The following SCD5 variants were observed in gnomAD, a reference collection of about 807,000 sequenced individuals.
SCD5 encodes acyl-CoA-desaturase 4.
A neutral mutation model predicts 30.4 loss-of-function variants in SCD5; 20 were observed. The observed-to-expected ratio is 0.66, with a 90% confidence interval of 0.46 to 0.96. The LOEUF is 0.96. Ranked by LOEUF, SCD5 falls within the 40% of genes least tolerant of loss-of-function variation. The pLI, the probability that SCD5 is intolerant of heterozygous loss-of-function variation, is 0.00. For synonymous variants in SCD5, 173 were observed against 176.4 expected (o/e 0.98, Z 0.16); for missense variants, 381 against 443.3 (o/e 0.86, Z 1.26).
At chr4:82,690,977 G>A (rs4693489) in intron 2 of SCD5, among the ~76,000 whole-genome samples, 19,960 of 151,736 alleles carry the variant, frequency 0.13, 1,560 homozygotes, top group East Asian at 0.4. Context: ...GCTGAACAAA[G>A]GAGGACCTTA....
intron 3 of SCD5, among the ~76,000 whole-genome samples, chr4:82,672,870 G>C (rs1578015130): frequency 6.6e-6 from 1 of 152,052 alleles, no homozygotes; most frequent in African/African-American, 2.4e-5. Flanking sequence ...TTTATACTAG[G>C]TATGCAAGGC....
chr4:82,788,763 T>A (rs190635981), intron 1 of SCD5, among the ~76,000 whole-genome samples: 1 of 152,144 alleles, frequency 6.6e-6, no homozygotes, highest in African/African-American at 2.4e-5. Context: ...TTGTCTCTGA[T>A]AAAATGAAAC....
At chr4:82,743,337 C>T (rs182927457) in intron 1 of SCD5, among the ~76,000 whole-genome samples, 13 of 152,036 alleles carry the variant, frequency 8.6e-5, no homozygotes, top group Admixed American at 6.6e-4. Context: ...CAGTGAGATG[C>T]CCGTATCTAC....
intron 1 of SCD5, among the ~76,000 whole-genome samples, chr4:82,714,710 G>A (rs79846372): frequency 0.11 from 16,363 of 152,122 alleles, 1,048 homozygotes; most frequent in African/African-American, 0.16. Context: ...TAAAATTTGA[G>A]ATTTTCTGAG....
At chr4:82,752,813 C>T (rs1361555161) in intron 1 of SCD5, among the ~76,000 whole-genome samples, 1 of 152,150 alleles carries the variant, frequency 6.6e-6, no homozygotes, top group African/African-American at 2.4e-5. Context: ...AAACTTACTC[C>T]AGTGTTGAAA....
At chr4:82,760,971 A>G (rs1001890056) in intron 1 of SCD5, among the ~76,000 whole-genome samples, 3 of 152,234 alleles carry the variant, frequency 2.0e-5, no homozygotes, top group Non-Finnish European at 4.4e-5. Flanking sequence ...TGCCATTGGG[A>G]GAATTCAGAA....
chr4:82,723,023 G>A (rs1720401905), intron 1 of SCD5, among the ~76,000 whole-genome samples: 1 of 146,508 alleles, frequency 6.8e-6, no homozygotes, highest in African/African-American at 2.6e-5. Flanking sequence ...GTTGTGGTGA[G>A]CCGAGATCGC....
rs937538273 is a variant in SCD5, at chr4:82,629,648, A to C, written c.*1679T>G. ...AAGAACTTCATTGTGACTATTTCCA[A>C]TTGCCATCATATCTTTTTCTAAAAT... On this transcript the variant is annotated 3_prime_UTR_variant, in exon 5 of 5. Transcript: ENST00000319540. 2 of 152,244 alleles carry C rather than the reference A, an allele frequency of 1.3e-5. No individual in the cohort carries two copies. The highest frequency in any genetic ancestry group is 2.9e-5 in the Non-Finnish European group (2 of 68,040). The allele number at this position is 152,244 out of a possible 1,614,324, so 9.4% of individuals were successfully genotyped here.
At chr4:82,756,264 C>A (rs1721231810) in intron 1 of SCD5, among the ~76,000 whole-genome samples, 1 of 152,200 alleles carries the variant, frequency 6.6e-6, no homozygotes, top group Non-Finnish European at 1.5e-5. Flanking sequence ...GTCATCGAGA[C>A]CCCCTCTCCT....
At chr4:82,647,930 C>CA (rs1340823975) in intron 3 of SCD5, among the ~76,000 whole-genome samples, 2 of 152,194 alleles carry the variant, frequency 1.3e-5, no homozygotes, top group African/African-American at 2.4e-5. Context: ...CCCTCTTAAT[C>CA]ACAGTTTATG....
intron 2 of SCD5, among the ~76,000 whole-genome samples, chr4:82,685,728 A>C (rs1040218086): frequency 9.1e-5 from 13 of 143,638 alleles, no homozygotes; most frequent in African/African-American, 3.3e-4. Context: ...CAAAACAAAC[A>C]AAAAAAAAAA....
intron 1 of SCD5, among the ~76,000 whole-genome samples, chr4:82,709,541 A>G (rs1720037206): frequency 6.6e-6 from 1 of 152,266 alleles, no homozygotes. Context: ...ACAAGAATTT[A>G]GGCTAACACT....
At chr4:82,670,592 T>G (rs1208305158) in intron 3 of SCD5, among the ~76,000 whole-genome samples, 1 of 151,908 alleles carries the variant, frequency 6.6e-6, no homozygotes, top group Admixed American at 6.6e-5. Context: ...ATCAATTGGA[T>G]GGAATAGTAA....
intron 2 of SCD5, among the ~76,000 whole-genome samples, chr4:82,701,552 G>A (rs1034779252): frequency 6.6e-6 from 1 of 152,210 alleles, no homozygotes; most frequent in Middle Eastern, 3.4e-3. Context: ...AAATCATGCT[G>A]TAGGACAGCA....
intron 2 of SCD5, among the ~76,000 whole-genome samples, chr4:82,691,317 C>A (rs376925424): frequency 6.6e-6 from 1 of 152,272 alleles, no homozygotes; most frequent in Non-Finnish European, 1.5e-5. Flanking sequence ...TGAGCCACTG[C>A]GCCTGGCCAG....
chr4:82,742,359 G>T (rs902072502), intron 1 of SCD5, among the ~76,000 whole-genome samples: 1 of 152,176 alleles, frequency 6.6e-6, no homozygotes, highest in Non-Finnish European at 1.5e-5. Context: ...CTGGTGTGAG[G>T]TCTGACCGGG....
At chr4:82,691,174 C>T (rs1176987642) in intron 2 of SCD5, among the ~76,000 whole-genome samples, 2 of 152,138 alleles carry the variant, frequency 1.3e-5, no homozygotes, top group Non-Finnish European at 2.9e-5. Flanking sequence ...TACAGGCACT[C>T]ACCACCACAC....
At chr4:82,711,094 T>G (rs1324147529) in intron 1 of SCD5, among the ~76,000 whole-genome samples, 1 of 152,166 alleles carries the variant, frequency 6.6e-6, no homozygotes, top group African/African-American at 2.4e-5. Flanking sequence ...GGGTACTGCA[T>G]GCAAAATTGG....
chr4:82,655,221 CTCTT>C (rs1727845077), intron 3 of SCD5, among the ~76,000 whole-genome samples: 1 of 152,240 alleles, frequency 6.6e-6, no homozygotes, highest in Non-Finnish European at 1.5e-5. Flanking sequence ...GGCAAGGACT[CTCTT>C]TTTTTCCCTT....
Sources: allele counts gnomAD v4.1 joint callset (sites outside exome capture counted in the v4.1 genomes callset), GRCh38; gene constraint gnomAD v4.1.1; transcripts MANE v1.5; gene names NCBI Gene and HGNC (gene_info 2026-07-23, HGNC 2026-07-21).